Variants in ZNF804B observed in about 807,000 individuals in gnomAD.
The protein encoded by ZNF804B is zinc finger 804B.
A neutral mutation model predicts 101.4 loss-of-function variants in ZNF804B; 80 were observed. That is an observed-to-expected ratio of 0.79 (90% confidence interval 0.66 to 0.95). The LOEUF (loss-of-function observed/expected upper bound fraction) is 0.95. Among genes scored for constraint, ZNF804B ranks in the 40% least tolerant of loss-of-function variants. The pLI is 0.00. For missense variants in ZNF804B, 1,673 were observed against 1,561.9 expected (o/e 1.07, Z -1.20); for synonymous variants, 622 against 558.8 (o/e 1.11, Z -1.59).
At chr7:88,794,476 A>G (rs755840841) in intron 1 of ZNF804B, 4 of 1,613,984 alleles carry the variant, frequency 2.5e-6, no homozygotes, top group Middle Eastern at 1.7e-4. Context: ...GTCGAGATAC[A>G]TAACTGGAAC....
chr7:89,078,500 T>A (rs1789645245), intron 1 of ZNF804B, among the ~76,000 whole-genome samples: 1 of 152,050 alleles, frequency 6.6e-6, no homozygotes, highest in Non-Finnish European at 1.5e-5. Flanking sequence ...TTTATTTGTT[T>A]TCCTACCATT....
chr7:89,221,258 G>A (rs73208840), intron 2 of ZNF804B, among the ~76,000 whole-genome samples: 6 of 151,924 alleles, frequency 3.9e-5, no homozygotes, highest in Admixed American at 6.6e-5. Context: ...GATAGATTAC[G>A]TCTGTAAAGA....
chr7:88,912,834 T>C (rs1198801372), intron 1 of ZNF804B, among the ~76,000 whole-genome samples: 1 of 152,208 alleles, frequency 6.6e-6, no homozygotes, highest in Non-Finnish European at 1.5e-5. Flanking sequence ...GAAACAATGA[T>C]TCCAAATATT....
rs907052349 is a variant in ZNF804B, at chr7:89,285,260, C to T, written c.250-42084C>T. ...AAAATAGGCTGGGCACGGTGGCTCA[C>T]GCCTGTAATCCCAGCACTTTGGGAG... is the stretch of plus-strand genomic sequence containing the variant. On this transcript the variant is annotated intron_variant, in intron 2 of 3. Transcript: ENST00000333190. 6.6e-5 allele frequency among the ~76,000 whole-genome samples: 10 copies of T among 151,628 alleles called. No individual in the cohort carries two copies. The East Asian group carries it at 9.8e-4, about 15-fold the overall frequency.
intron 1 of ZNF804B, among the ~76,000 whole-genome samples, chr7:88,874,528 A>T (rs1280529017): frequency 1.3e-5 from 2 of 152,164 alleles, no homozygotes; most frequent in East Asian, 3.9e-4. Flanking sequence ...GTGGTGAGAG[A>T]GAGCATCCCT....
Position 89,125,170 on chromosome 7 carries a change from G to A in ZNF804B, c.109-92985G>A, listed in dbSNP as rs551728069. On this transcript the variant is annotated intron_variant, in intron 1 of 3. Coordinates refer to ENST00000333190, the MANE Select transcript of ZNF804B (RefSeq NM_181646.5). Reference sequence around the variant, plus strand: ...TCTGGCAGCCTGATTTTGGTGATGAGCTGGCTGTCACAGCTGTAAGTAGCG... The same window carrying A: ...TCTGGCAGCCTGATTTTGGTGATGAACTGGCTGTCACAGCTGTAAGTAGCG... Among the ~76,000 whole-genome samples the A allele has an allele frequency of 3.3e-5, 5 of 151,806 alleles. No homozygotes were observed. In the South Asian group the frequency reaches 1.0e-3, roughly 32 times the overall value.
intron 1 of ZNF804B, among the ~76,000 whole-genome samples, chr7:89,110,735 C>A (rs184619600): frequency 3.9e-5 from 6 of 152,106 alleles, no homozygotes; most frequent in African/African-American, 1.4e-4. Context: ...TAGTTTACAT[C>A]GGGTTTCAGT....
intron 1 of ZNF804B, among the ~76,000 whole-genome samples, chr7:89,011,763 GC>G (rs932467647): frequency 3.9e-5 from 6 of 152,110 alleles, no homozygotes; most frequent in Admixed American, 1.3e-4. Context: ...TGAGAGTACA[GC>G]CCCCCTCGCA....
intron 1 of ZNF804B, among the ~76,000 whole-genome samples, chr7:88,903,870 G>T (rs975752097): frequency 3.9e-5 from 6 of 152,066 alleles, no homozygotes; most frequent in African/African-American, 1.4e-4. Flanking sequence ...TGCATAGTTT[G>T]TGAATATTTT....
At chr7:89,080,027 T>C (rs891623004) in intron 1 of ZNF804B, among the ~76,000 whole-genome samples, 1 of 151,918 alleles carries the variant, frequency 6.6e-6, no homozygotes, top group Admixed American at 6.6e-5. Context: ...ATTTTTATTT[T>C]TTTTTTAGAA....
chr7:88,954,504 C>T (rs1289539697), intron 1 of ZNF804B, among the ~76,000 whole-genome samples: 2 of 151,410 alleles, frequency 1.3e-5, no homozygotes, highest in East Asian at 3.9e-4. Flanking sequence ...TACGTTTTAT[C>T]TCACAAAGAT....
intron 1 of ZNF804B, among the ~76,000 whole-genome samples, chr7:88,899,618 G>A (rs1792358813): frequency 6.6e-6 from 1 of 151,938 alleles, no homozygotes; most frequent in African/African-American, 2.4e-5. Context: ...CAAACATAAT[G>A]GATTATTTGC....
At chr7:88,839,312 A>G (rs1791262330) in intron 1 of ZNF804B, among the ~76,000 whole-genome samples, 1 of 152,056 alleles carries the variant, frequency 6.6e-6, no homozygotes, top group Non-Finnish European at 1.5e-5. Context: ...TAAGTGCTTT[A>G]TATACCTTTT....
chr7:88,930,830 C>T (rs1792873927), intron 1 of ZNF804B, among the ~76,000 whole-genome samples: 1 of 151,924 alleles, frequency 6.6e-6, no homozygotes, highest in Middle Eastern at 3.4e-3. Flanking sequence ...GCAGGCGTTC[C>T]TTTATTTTAT....
chr7:88,985,347 A>G (rs189045327), intron 1 of ZNF804B, among the ~76,000 whole-genome samples: 6 of 152,216 alleles, frequency 3.9e-5, no homozygotes, highest in African/African-American at 1.4e-4. Context: ...TAAAAATCAA[A>G]TTTTGAAAAC....
intron 2 of ZNF804B, among the ~76,000 whole-genome samples, chr7:89,267,673 G>A (rs957858962): frequency 6.6e-6 from 1 of 152,142 alleles, no homozygotes; most frequent in African/African-American, 2.4e-5. Context: ...TTGAACTACT[G>A]CTGAAATCGG....
At chr7:89,018,445 T>A (rs1788606216) in intron 1 of ZNF804B, among the ~76,000 whole-genome samples, 1 of 148,128 alleles carries the variant, frequency 6.8e-6, no homozygotes, top group Non-Finnish European at 1.5e-5. Flanking sequence ...ATCCATGCTC[T>A]TCAGGAATAT....
intron 1 of ZNF804B, among the ~76,000 whole-genome samples, chr7:88,908,828 A>T (rs1243733122): frequency 6.6e-6 from 1 of 151,592 alleles, no homozygotes; most frequent in African/African-American, 2.4e-5. Context: ...TCTACTGGCC[A>T]CTCTTGCAGT....
At chr7:89,209,422 T>C (rs1468727431) in intron 1 of ZNF804B, among the ~76,000 whole-genome samples, 19 of 152,210 alleles carry the variant, frequency 1.2e-4, no homozygotes, top group Non-Finnish European at 2.8e-4. Context: ...TAATGGATAG[T>C]TGGTTCACAC....
Sources: allele counts gnomAD v4.1 joint callset (sites outside exome capture counted in the v4.1 genomes callset), GRCh38; gene constraint gnomAD v4.1.1; transcripts MANE v1.5; gene names NCBI Gene and HGNC (gene_info 2026-07-23, HGNC 2026-07-21).